The following NOS1AP variants were observed in gnomAD, a reference collection of about 807,000 sequenced individuals.
NOS1AP encodes nitric oxide synthase 1 adaptor protein.
A neutral mutation model predicts 56.2 loss-of-function variants in NOS1AP; 21 were observed. The ratio of observed to expected loss-of-function variants is 0.37; its 90% CI spans 0.26 to 0.54. The LOEUF is 0.54. Ranked by LOEUF, NOS1AP falls within the 20% of genes least tolerant of loss-of-function variation. The pLI is 0.84. For synonymous variants in NOS1AP, 270 were observed against 274.6 expected (o/e 0.98, Z 0.17); for missense variants, 522 against 657.8 (o/e 0.79, Z 2.26).
intron 2 of NOS1AP, among the ~76,000 whole-genome samples, chr1:162,274,039 T>C (rs1214179327): frequency 1.3e-5 from 2 of 152,210 alleles, no homozygotes; most frequent in Non-Finnish European, 2.9e-5. Context: ...TGTACAGGTC[T>C]TTGTGGGAAC....
At chr1:162,125,895 C>T (rs1648467442) in intron 1 of NOS1AP, among the ~76,000 whole-genome samples, 1 of 152,004 alleles carries the variant, frequency 6.6e-6, no homozygotes, top group Admixed American at 6.6e-5. Context: ...TGATTTTTTC[C>T]AATCCATGAG....
chr1:162,239,428 ATAT>A, intron 2 of NOS1AP, among the ~76,000 whole-genome samples: 1 of 152,372 alleles, frequency 6.6e-6, no homozygotes, highest in East Asian at 1.9e-4. Flanking sequence ...GCAATTTGAC[ATAT>A]TATAATGACA....
intron 3 of NOS1AP, among the ~76,000 whole-genome samples, chr1:162,293,949 G>A (rs960377460): frequency 1.3e-5 from 2 of 152,150 alleles, no homozygotes; most frequent in Admixed American, 1.3e-4. Context: ...TCAACTATGA[G>A]AATGAAAAAT....
intron 1 of NOS1AP, among the ~76,000 whole-genome samples, chr1:162,072,059 CAGATAGATAGATAGATAGAT>C (rs138572328): frequency 9.9e-5 from 14 of 141,704 alleles, no homozygotes; most frequent in South Asian, 2.4e-4. Context: ...GACCCTGTCT[CAGATAGATAGATAGATAGAT>C]AGATAGATAG....
chr1:162,133,407 C>T (rs896720180), intron 1 of NOS1AP, among the ~76,000 whole-genome samples: 2 of 152,140 alleles, frequency 1.3e-5, no homozygotes, highest in Non-Finnish European at 2.9e-5. Flanking sequence ...ACCATTGTGC[C>T]TAAACCCAGA....
chr1:162,303,904 C>CTTTTTTTTTTTTTTT (rs35658165), intron 4 of NOS1AP, among the ~76,000 whole-genome samples: 7 of 110,718 alleles, frequency 6.3e-5, no homozygotes, highest in Admixed American at 9.1e-5. Context: ...TCTGGCTTGT[C>CTTTTTTTTTTTTTTT]TTTTTTTTTT....
chr1:162,191,652 T>TCTCTTC (rs912985805), intron 2 of NOS1AP, among the ~76,000 whole-genome samples: 4 of 152,240 alleles, frequency 2.6e-5, no homozygotes, highest in Admixed American at 2.0e-4. Flanking sequence ...CTGGCTACAT[T>TCTCTTC]CTCTTCCTCT....
rs191590790 is a variant in NOS1AP, at chr1:162,218,227, G to C, written c.177+63751G>C. Among the ~76,000 whole-genome samples the C allele has an allele frequency of 2.4e-3, 372 of 152,290 alleles. 1 individual carries two copies. Among genetic ancestry groups the C allele is most frequent in the Non-Finnish European group, 4.5e-3 (305 of 68,018 alleles). ...AAAAAATTTGAAAAACACTGCTCTAGGAGAAAGAATCCTTGGCTGGGAGCC... is the reference window on the plus strand; with the variant it reads ...AAAAAATTTGAAAAACACTGCTCTACGAGAAAGAATCCTTGGCTGGGAGCC... On this transcript the variant is annotated intron_variant, in intron 2 of 9. Coordinates refer to ENST00000361897, the MANE Select transcript of NOS1AP (RefSeq NM_014697.3).
At chr1:162,324,082 C>A (rs1191939470) in intron 4 of NOS1AP, among the ~76,000 whole-genome samples, 1 of 152,162 alleles carries the variant, frequency 6.6e-6, no homozygotes. Flanking sequence ...CAAACTAGTG[C>A]CCCTAATATT....
chr1:162,244,704 C>T (rs191864288), intron 2 of NOS1AP, among the ~76,000 whole-genome samples: 15 of 152,190 alleles, frequency 9.9e-5, no homozygotes, highest in Admixed American at 3.3e-4. Context: ...CATTGTATGA[C>T]GTTTAGCAGC....
chr1:162,134,409 C>T lies in NOS1AP; in HGVS notation c.106-19996C>T, dbSNP rs144493686. ...GGCTGAGGCATGAAAATCGCTTGAA[C>T]CGGGAGGTGGAGGTTGTACTGAGCT... On this transcript the variant is annotated intron_variant, in intron 1 of 9. Transcript: ENST00000361897. Among the ~76,000 whole-genome samples, 476 of 150,516 alleles carry T rather than the reference C, an allele frequency of 3.2e-3. 1 individual carries two copies. The highest frequency in any genetic ancestry group is 5.7e-3 in the Non-Finnish European group (384 of 67,748).
chr1:162,129,495 A>T (rs1571041218), intron 1 of NOS1AP, among the ~76,000 whole-genome samples: 1 of 152,118 alleles, frequency 6.6e-6, no homozygotes, highest in African/African-American at 2.4e-5. Context: ...GCTTCTATAG[A>T]TCTATTTGTC....
chr1:162,169,942 C>T (rs1302372655), intron 2 of NOS1AP, among the ~76,000 whole-genome samples: 1 of 152,122 alleles, frequency 6.6e-6, no homozygotes, highest in East Asian at 1.9e-4. Flanking sequence ...GAATTTCCTC[C>T]CTCCCTTTCC....
At chr1:162,356,162 G>A (rs1657698268) in intron 7 of NOS1AP, among the ~76,000 whole-genome samples, 1 of 152,148 alleles carries the variant, frequency 6.6e-6, no homozygotes, top group South Asian at 2.1e-4. Context: ...TCTACAAGTG[G>A]AAACAGCCCT....
chr1:162,125,020 G>T (rs1648421907), intron 1 of NOS1AP, among the ~76,000 whole-genome samples: 1 of 151,776 alleles, frequency 6.6e-6, no homozygotes, highest in African/African-American at 2.4e-5. Context: ...AGTTCTTTGA[G>T]AAATCTCCAT....
At chr1:162,340,901 A>G (rs1457182824) in intron 5 of NOS1AP, among the ~76,000 whole-genome samples, 1 of 152,222 alleles carries the variant, frequency 6.6e-6, no homozygotes, top group Non-Finnish European at 1.5e-5. Context: ...AGATGGTTGA[A>G]TATGTGAGTA....
chr1:162,081,984 A>T lies in NOS1AP; in HGVS notation c.105+11702A>T, dbSNP rs531465427. Among the ~76,000 whole-genome samples, 5 of 151,584 alleles carry T rather than the reference A, an allele frequency of 3.3e-5. No homozygotes were observed. In the South Asian group the frequency reaches 6.3e-4, roughly 19 times the overall value. Reference sequence around the variant, plus strand: ...AGGGGCACATGTGCAGGTTTGTTGCATAGGTAAACTTGAGTCATGGGGGTT... The same window carrying T: ...AGGGGCACATGTGCAGGTTTGTTGCTTAGGTAAACTTGAGTCATGGGGGTT... On this transcript the variant is annotated intron_variant, in intron 1 of 9. Coordinates refer to ENST00000361897, the MANE Select transcript of NOS1AP (RefSeq NM_014697.3).
chr1:162,086,775 T>G (rs998726492), intron 1 of NOS1AP, among the ~76,000 whole-genome samples: 2 of 152,218 alleles, frequency 1.3e-5, no homozygotes, highest in African/African-American at 4.8e-5. Flanking sequence ...GTTTAATGAC[T>G]TTCCCCTCCC....
intron 2 of NOS1AP, among the ~76,000 whole-genome samples, chr1:162,256,374 G>A (rs907115639): frequency 4.6e-5 from 7 of 152,152 alleles, no homozygotes; most frequent in Non-Finnish European, 1.0e-4. Context: ...TCTTCTAATG[G>A]ATTTTACTCC....
Sources: allele counts gnomAD v4.1 joint callset (sites outside exome capture counted in the v4.1 genomes callset), GRCh38; gene constraint gnomAD v4.1.1; transcripts MANE v1.5; gene names NCBI Gene and HGNC (gene_info 2026-07-23, HGNC 2026-07-21).